TRIM44: variants seen among roughly 807,000 people sequenced by gnomAD.
TRIM44 encodes tripartite motif-containing protein 44.
A neutral mutation model predicts 37.4 loss-of-function variants in TRIM44; 13 were observed. The ratio of observed to expected loss-of-function variants is 0.35; its 90% CI spans 0.23 to 0.55. TRIM44 has a LOEUF of 0.55. TRIM44 is among the 20% of genes least tolerant of loss of function. The probability of loss-of-function intolerance (pLI) is 0.89; values close to 1 mark genes in which losing one functional copy is unlikely to be tolerated. For synonymous variants in TRIM44, 175 were observed against 157.2 expected, an observed-to-expected ratio of 1.11 and a Z score of -0.85; for missense variants, 426 against 437.2, an observed-to-expected ratio of 0.97 and a Z score of 0.23.
chr11:35,753,865 A>C (rs1382051179), intron 4 of TRIM44, among the ~76,000 whole-genome samples: 1 of 151,926 alleles, frequency 6.6e-6, no homozygotes, highest in East Asian at 1.9e-4. Context: ...AGTAACTGGG[A>C]CTACAGGCAT....
intron 1 of TRIM44, among the ~76,000 whole-genome samples, chr11:35,682,986 G>T (rs561901924): frequency 6.6e-6 from 1 of 152,306 alleles, no homozygotes; most frequent in African/African-American, 2.4e-5. Flanking sequence ...CTGGCAGCTG[G>T]GATGTGGGGG....
chr11:35,707,071 G>C (rs1851895662), intron 2 of TRIM44, among the ~76,000 whole-genome samples: 2 of 152,072 alleles, frequency 1.3e-5, no homozygotes, highest in Admixed American at 6.6e-5. Flanking sequence ...AAATTCTCAG[G>C]ATACAAAATC....
chr11:35,773,158 C>A (rs1360446904), intron 4 of TRIM44, among the ~76,000 whole-genome samples: 1 of 152,106 alleles, frequency 6.6e-6, no homozygotes, highest in African/African-American at 2.4e-5. Context: ...CATTGCCTCC[C>A]GCCATGATTC....
At chr11:35,740,766 C>T (rs1286029415) in intron 4 of TRIM44, among the ~76,000 whole-genome samples, 1 of 152,224 alleles carries the variant, frequency 6.6e-6, no homozygotes, top group Non-Finnish European at 1.5e-5. Flanking sequence ...CACCCCTCTT[C>T]ACTCTTTCCT....
intron 4 of TRIM44, among the ~76,000 whole-genome samples, chr11:35,749,869 A>G (rs958684965): frequency 2.6e-5 from 4 of 152,226 alleles, no homozygotes; most frequent in Non-Finnish European, 5.9e-5. Flanking sequence ...TTGCCTCCAT[A>G]ATAGAGATGG....
At chr11:35,745,149 C>G (rs1852470198) in intron 4 of TRIM44, among the ~76,000 whole-genome samples, 1 of 152,188 alleles carries the variant, frequency 6.6e-6, no homozygotes, top group African/African-American at 2.4e-5. Context: ...TCACCACACA[C>G]TCTTCCACAA....
intron 4 of TRIM44, among the ~76,000 whole-genome samples, chr11:35,803,021 CA>C (rs1853390503): frequency 6.6e-6 from 1 of 152,106 alleles, no homozygotes; most frequent in African/African-American, 2.4e-5. Flanking sequence ...AGAAGGGTAA[CA>C]TTTTTTATCA....
chr11:35,712,494 T>C lies in TRIM44; in HGVS notation c.748-13430T>C, dbSNP rs536681161. ...CTTACTGGAGCCCCAGACCTCCTAA[T>C]TGAACCACAGCACCAATAGATTATA... On this transcript the variant is annotated intron_variant, in intron 2 of 4. Transcript: ENST00000299413. 2.0e-5 allele frequency among the ~76,000 whole-genome samples: 3 copies of C among 152,266 alleles called. No homozygotes were observed. In the East Asian group the frequency reaches 5.8e-4, roughly 29 times the overall value.
intron 4 of TRIM44, among the ~76,000 whole-genome samples, chr11:35,762,988 A>G (rs1255487393): frequency 6.6e-6 from 1 of 152,202 alleles, no homozygotes. Context: ...GCAAGGCACT[A>G]TTTTAAGTAT....
chr11:35,688,122 C>T (rs1851601587), intron 2 of TRIM44, among the ~76,000 whole-genome samples: 1 of 152,170 alleles, frequency 6.6e-6, no homozygotes, highest in Non-Finnish European at 1.5e-5. Flanking sequence ...CCCACCATCC[C>T]CTTTTTGAGT....
At chr11:35,742,488 T>C (rs1263754004) in intron 4 of TRIM44, among the ~76,000 whole-genome samples, 1 of 135,212 alleles carries the variant, frequency 7.4e-6, no homozygotes, top group Non-Finnish European at 1.5e-5. Flanking sequence ...ATTAATTGTA[T>C]TATATATAAT....
chr11:35,793,859 C>G (rs1481831854), intron 4 of TRIM44, among the ~76,000 whole-genome samples: 2 of 152,234 alleles, frequency 1.3e-5, no homozygotes, highest in South Asian at 4.2e-4. Context: ...TCTGTATTTT[C>G]TTCGTCTGTA....
chr11:35,706,218 G>A (rs1851878989), intron 2 of TRIM44, among the ~76,000 whole-genome samples: 1 of 149,196 alleles, frequency 6.7e-6, no homozygotes, highest in South Asian at 2.2e-4. Context: ...CCAGGAAGAA[G>A]TTGAATCTCT....
intron 1 of TRIM44, among the ~76,000 whole-genome samples, chr11:35,677,762 A>C (rs994003371): frequency 3.9e-5 from 6 of 152,186 alleles, no homozygotes; most frequent in African/African-American, 1.4e-4. Flanking sequence ...AAGCAACTCT[A>C]AGTCATGGAA....
intron 2 of TRIM44, among the ~76,000 whole-genome samples, chr11:35,687,093 C>T (rs1207631083): frequency 6.6e-6 from 1 of 152,202 alleles, no homozygotes; most frequent in Non-Finnish European, 1.5e-5. Context: ...ATGTGGAATT[C>T]AAACTCTGAC....
intron 4 of TRIM44, among the ~76,000 whole-genome samples, chr11:35,735,855 A>G (rs1852321051): frequency 6.6e-6 from 1 of 152,040 alleles, no homozygotes; most frequent in African/African-American, 2.4e-5. Context: ...TTTGACCTAT[A>G]ATATCTTTGT....
rs1005396975 is a variant in TRIM44 at position 35,740,203 on chromosome 11, T to C, written c.1007+4758T>C. ...CACTTTTGGCATCAATTTTCTGCCT[T>C]CTCTGTGCTATTATGAGAGATCTTG... On this transcript the variant is annotated intron_variant, in intron 4 of 4. Transcript: ENST00000299413. 1.8e-4 allele frequency among the ~76,000 whole-genome samples: 28 copies of C among 151,698 alleles called. No individual in the cohort carries two copies. In the East Asian group the frequency reaches 5.4e-3, roughly 29 times the overall value.
intron 4 of TRIM44, among the ~76,000 whole-genome samples, chr11:35,777,616 A>G (rs962094478): frequency 4.6e-5 from 7 of 152,108 alleles, no homozygotes; most frequent in South Asian, 2.1e-4. Context: ...TCCATGTTTA[A>G]TGCTTCCTTC....
rs771404208 is a variant in TRIM44 at position 35,806,328 on chromosome 11, A to G, written c.1008-30A>G. The stretch of plus-strand genomic sequence containing the variant: ...GCTGCCTCCCTTCTTGTGATATCTT[A>G]ACTCACCTGGTTCTCCTTTTCCTTT... On this transcript the variant is annotated intron_variant, in intron 4 of 4. Transcript: ENST00000299413. 51 of 1,613,232 alleles carry G rather than the reference A, an allele frequency of 3.2e-5. No homozygotes were observed. In the South Asian group the frequency reaches 3.5e-4, roughly 11 times the overall value.
Sources: gnomAD v4.1 joint callset for allele counts (sites outside exome capture counted in the v4.1 genomes callset) on GRCh38, gnomAD v4.1.1 for gene constraint, MANE v1.5 for transcripts, NCBI Gene and HGNC (gene_info 2026-07-23, HGNC 2026-07-21) for gene names.